The following DCAF8 variants were observed in gnomAD, a reference collection of about 807,000 sequenced individuals.
DCAF8 encodes the protein DDB1 and CUL4 associated factor 8, also known as DDB1- and CUL4-associated factor 8.
A neutral mutation model predicts 68.0 loss-of-function variants in DCAF8; 20 were observed. That is an observed-to-expected ratio of 0.29 (90% CI 0.21 to 0.43). DCAF8 has a LOEUF of 0.43. Ranked by LOEUF, DCAF8 falls within the 20% of genes least tolerant of loss-of-function variation. The pLI, the probability that DCAF8 is intolerant of heterozygous loss-of-function variation, is 1.00. For missense variants in DCAF8, 460 were observed against 771.0 expected (o/e 0.60, Z 4.78); for synonymous variants, 230 against 276.9 (o/e 0.83, Z 1.68).
intron 2 of DCAF8, among the ~76,000 whole-genome samples, chr1:160,260,233 G>A (rs1309557436): frequency 6.6e-6 from 1 of 152,158 alleles, no homozygotes; most frequent in Non-Finnish European, 1.5e-5. Flanking sequence ...TGGAAATTAA[G>A]AGTCAGAGAA....
chr1:160,218,497 G>A (rs1469459190), intron 12 of DCAF8, 57 bp from the exon 13 acceptor site: 2 of 1,278,104 alleles, frequency 1.6e-6, no homozygotes, highest in Non-Finnish European at 2.3e-6. Context: ...CCCGGGACCT[G>A]ATCAAGAAGG....
chr1:160,248,167 C>G (rs563792771), intron 2 of DCAF8, among the ~76,000 whole-genome samples: 1 of 151,954 alleles, frequency 6.6e-6, no homozygotes, highest in African/African-American at 2.4e-5. Flanking sequence ...ATTAGCCGGG[C>G]GTGGTGGCAC....
intron 2 of DCAF8, among the ~76,000 whole-genome samples, chr1:160,251,656 G>C (rs768871849): frequency 6.6e-6 from 1 of 152,046 alleles, no homozygotes; most frequent in African/African-American, 2.4e-5. Context: ...TGTAGAGATG[G>C]TGGTGGGGAA....
At chr1:160,229,038 G>A (rs1655574752) in intron 7 of DCAF8, among the ~76,000 whole-genome samples, 1 of 152,112 alleles carries the variant, frequency 6.6e-6, no homozygotes, top group East Asian at 1.9e-4. Context: ...GGTGGCTCAC[G>A]ACTGTAATCC....
chr1:160,249,186 T>C (rs1488345646), intron 2 of DCAF8, among the ~76,000 whole-genome samples: 2 of 152,082 alleles, frequency 1.3e-5, no homozygotes, highest in Non-Finnish European at 2.9e-5. Flanking sequence ...GGAGACTCCA[T>C]CTCAAAAACA....
intron 6 of DCAF8, among the ~76,000 whole-genome samples, chr1:160,233,424 G>C (rs1438666924): frequency 1.3e-5 from 2 of 152,028 alleles, no homozygotes; most frequent in East Asian, 3.9e-4. Context: ...AAATACAGAG[G>C]GCACTGAAAA....
chr1:160,262,271 C>G (rs1316321206), intron 1 of DCAF8, 178 bp downstream of exon 1: 5 of 399,224 alleles, frequency 1.3e-5, no homozygotes, highest in African/African-American at 2.1e-5. Context: ...GAACGAGACA[C>G]AGACCGGGTA....
intron 3 of DCAF8, among the ~76,000 whole-genome samples, chr1:160,243,382 T>C (rs1009546797): frequency 7.3e-5 from 11 of 150,432 alleles, no homozygotes; most frequent in African/African-American, 2.7e-4. Flanking sequence ...AGTTGGGTTG[T>C]AACTTCATCC....
intron 2 of DCAF8, among the ~76,000 whole-genome samples, chr1:160,244,252 G>A (rs906310602): frequency 3.9e-5 from 6 of 152,096 alleles, no homozygotes; most frequent in Admixed American, 3.3e-4. Context: ...TTTTGGGGAG[G>A]TCAAGTGCCA....
intron 7 of DCAF8, among the ~76,000 whole-genome samples, chr1:160,228,092 A>ATTTT (rs34386233): frequency 6.9e-6 from 1 of 145,264 alleles, no homozygotes; most frequent in Non-Finnish European, 1.5e-5. Context: ...TTTTTTCTTA[A>ATTTT]TTTTTTTTTT....
chr1:160,217,131 A>AAT lies in DCAF8; in HGVS notation c.*460_*461insAT, dbSNP rs1292640412. The AAT allele has an allele frequency of 6.5e-6, 1 of 153,344 alleles. No homozygotes were observed. Among genetic ancestry groups the AAT allele is most frequent in the Non-Finnish European group, 1.5e-5 (1 of 68,632 alleles). The allele number at this position is 153,344 out of a possible 1,614,324, so 9.5% of individuals were successfully genotyped here. On this transcript the variant is annotated 3_prime_UTR_variant, in exon 14 of 14. Transcript: ENST00000368074. ...GGAGCCAACTGTCATAAACTTTTAA[A>AAT]AAACAAAGGAAGAAAAGGTCAAAAA...
intron 1 of DCAF8, chr1:160,262,069 T>C (rs562522505): frequency 5.8e-6 from 2 of 343,762 alleles, no homozygotes; most frequent in Non-Finnish European, 1.0e-5. Context: ...AAGCAAGGCG[T>C]CCCTGTGAAC....
At chr1:160,243,294 A>C (rs1193947396) in intron 3 of DCAF8, among the ~76,000 whole-genome samples, 2 of 152,152 alleles carry the variant, frequency 1.3e-5, no homozygotes, top group Admixed American at 6.5e-5. Context: ...AGGGAAAGGA[A>C]GGAAGGAAGG....
chr1:160,233,934 C>G (rs906517640), intron 6 of DCAF8, among the ~76,000 whole-genome samples: 3 of 152,056 alleles, frequency 2.0e-5, no homozygotes, highest in Admixed American at 1.3e-4. Context: ...ACAAATTCAC[C>G]AAATTTTGCC....
intron 2 of DCAF8, among the ~76,000 whole-genome samples, chr1:160,255,538 C>A (rs1656803236): frequency 6.6e-6 from 1 of 152,162 alleles, no homozygotes; most frequent in South Asian, 2.1e-4. Context: ...AACTTTGTTC[C>A]TTCTTTGAAT....
intron 2 of DCAF8, among the ~76,000 whole-genome samples, chr1:160,250,619 G>C (rs1200963904): frequency 6.6e-6 from 1 of 152,146 alleles, no homozygotes; most frequent in Non-Finnish European, 1.5e-5. Context: ...TAGCAAATGA[G>C]AGCATAATGT....
At chr1:160,256,597 G>A (rs1242020110) in intron 2 of DCAF8, among the ~76,000 whole-genome samples, 1 of 151,994 alleles carries the variant, frequency 6.6e-6, no homozygotes, top group East Asian at 1.9e-4. Context: ...AATGGCACGT[G>A]AGGCAAATAT....
At chr1:160,256,903 A>G (rs906372552) in intron 2 of DCAF8, among the ~76,000 whole-genome samples, 1 of 146,786 alleles carries the variant, frequency 6.8e-6, no homozygotes. Flanking sequence ...AGGTAGAGAT[A>G]AAAAAAAACT....
chr1:160,218,488 C>T (rs1655196744), intron 12 of DCAF8, 48 bp from the exon 13 acceptor site: 1 of 1,391,246 alleles, frequency 7.2e-7, no homozygotes, highest in African/African-American at 1.4e-5. Context: ...GAAGAGGAAC[C>T]CGGGACCTGA....
Sources: allele counts gnomAD v4.1 joint callset (sites outside exome capture counted in the v4.1 genomes callset), GRCh38; gene constraint gnomAD v4.1.1; transcripts MANE v1.5; gene names NCBI Gene and HGNC (gene_info 2026-07-23, HGNC 2026-07-21).